The following LAMA1 variants were observed in gnomAD, a reference collection of about 807,000 sequenced individuals.
The protein encoded by LAMA1 is laminin subunit alpha-1.
LAMA1 carries 219 observed loss-of-function variants against 348.7 expected under a neutral mutation model. The observed-to-expected ratio is 0.63, with a 90% confidence interval of 0.56 to 0.70. The LOEUF (loss-of-function observed/expected upper bound fraction) is 0.70, where lower values mean the gene tolerates loss of function less well. Ranked by LOEUF, LAMA1 falls within the 30% of genes least tolerant of loss-of-function variation. The probability of loss-of-function intolerance (pLI) is 0.00; values close to 1 mark genes in which losing one functional copy is unlikely to be tolerated. For missense variants in LAMA1, 3,744 were observed against 3,888.0 expected (o/e 0.96, Z 0.99); for synonymous variants, 1,487 against 1,491.0 (o/e 1.00, Z 0.06).
chr18:6,948,182 T>G (rs2057530648), intron 60 of LAMA1, among the ~76,000 whole-genome samples: 1 of 151,996 alleles, frequency 6.6e-6, no homozygotes, highest in Admixed American at 6.6e-5. Context: ...CTGTCAGGAG[T>G]CACACCACTC....
At chr18:7,093,769 C>A (rs907859352) in intron 1 of LAMA1, among the ~76,000 whole-genome samples, 14 of 138,512 alleles carry the variant, frequency 1.0e-4, no homozygotes, top group Admixed American at 9.2e-4. Flanking sequence ...TGCAGGGTTT[C>A]TCAACTTTTT....
At chr18:7,109,773 G>C (rs2058328393) in intron 1 of LAMA1, among the ~76,000 whole-genome samples, 1 of 149,506 alleles carries the variant, frequency 6.7e-6, no homozygotes, top group East Asian at 2.1e-4. Flanking sequence ...GCCATAGCAG[G>C]TGGGCAGGAG....
chr18:7,032,322 C>T, intron 15 of LAMA1, 146 bp from the exon 16 acceptor site: 2 of 698,646 alleles, frequency 2.9e-6, no homozygotes, highest in African/African-American at 3.5e-5. Flanking sequence ...TTTAAGTGTA[C>T]AATTCAATGA....
intron 1 of LAMA1, among the ~76,000 whole-genome samples, chr18:7,096,671 TC>T (rs1442790954): frequency 6.6e-6 from 1 of 151,452 alleles, no homozygotes; most frequent in East Asian, 1.9e-4. Context: ...TCTCTATCTC[TC>T]CCCCACCCCA....
chr18:7,085,411 TTC>T (rs1322588446), intron 1 of LAMA1, among the ~76,000 whole-genome samples: 1,376 of 136,700 alleles, frequency 0.01, 43 homozygotes, highest in African/African-American at 0.038. Context: ...CTTCTTCTTC[TTC>T]TTTTTTTTTT....
chr18:6,990,218 C>T (rs1410796868), intron 36 of LAMA1, among the ~76,000 whole-genome samples: 1 of 152,162 alleles, frequency 6.6e-6, no homozygotes, highest in African/African-American at 2.4e-5. Flanking sequence ...TGACCAGGAG[C>T]TCCTAGTGGG....
chr18:7,021,724 A>C (rs974820642), intron 19 of LAMA1, among the ~76,000 whole-genome samples: 1 of 149,754 alleles, frequency 6.7e-6, no homozygotes, highest in Non-Finnish European at 1.5e-5. Context: ...AAATGTGACT[A>C]CTAAAAAATT....
At chr18:7,098,005 T>G (rs28416961) in intron 1 of LAMA1, among the ~76,000 whole-genome samples, 72,877 of 144,656 alleles carry the variant, frequency 0.5, 19,421 homozygotes, top group East Asian at 0.58. Flanking sequence ...GATTGCAGGC[T>G]CGCGCCGCCA....
At chr18:7,054,394 T>C (rs1214139597) in intron 3 of LAMA1, among the ~76,000 whole-genome samples, 1 of 152,186 alleles carries the variant, frequency 6.6e-6, no homozygotes, top group East Asian at 1.9e-4. Context: ...ACACCCCTGT[T>C]TTAGTTATTC....
chr18:6,969,246 C>T (rs1723105171), intron 48 of LAMA1, among the ~76,000 whole-genome samples: 1 of 152,008 alleles, frequency 6.6e-6, no homozygotes, highest in Non-Finnish European at 1.5e-5. Context: ...GGACTACAGG[C>T]GCACGCCACC....
intron 19 of LAMA1, 124 bp from the exon 20 acceptor site, chr18:7,017,508 T>C: frequency 2.7e-6 from 2 of 749,882 alleles, no homozygotes; most frequent in East Asian, 2.7e-5. Context: ...AAACTAAAAA[T>C]AATATTATTG....
intron 3 of LAMA1, 61 bp downstream of exon 3, chr18:7,079,914 C>T: frequency 1.7e-6 from 2 of 1,189,894 alleles, no homozygotes; most frequent in Middle Eastern, 1.9e-4. Flanking sequence ...TCCCAAAGGT[C>T]ATCAGAAGAC....
intron 9 of LAMA1, among the ~76,000 whole-genome samples, chr18:7,040,660 C>A (rs2058016537): frequency 6.6e-6 from 1 of 152,180 alleles, no homozygotes; most frequent in African/African-American, 2.4e-5. Context: ...CCTAAGTAAA[C>A]ACCCAATAAA....
At chr18:7,084,835 T>A (rs1443372380) in intron 1 of LAMA1, among the ~76,000 whole-genome samples, 1 of 152,204 alleles carries the variant, frequency 6.6e-6, no homozygotes, top group East Asian at 1.9e-4. Context: ...TTATAATTCA[T>A]TTTTAGAGGT....
intron 14 of LAMA1, among the ~76,000 whole-genome samples, chr18:7,033,313 G>T (rs545907857): frequency 6.6e-6 from 1 of 152,002 alleles, no homozygotes; most frequent in Non-Finnish European, 1.5e-5. Flanking sequence ...AAAATTAGCC[G>T]GGCGTGGTGG....
intron 16 of LAMA1, among the ~76,000 whole-genome samples, chr18:7,027,533 AAAC>A (rs201990444): frequency 4.0e-5 from 6 of 149,458 alleles, no homozygotes; most frequent in African/African-American, 1.3e-4. Flanking sequence ...TAGACATGAG[AAAC>A]AACAACAACA....
At chr18:7,074,967 C>CAAAAAAAAAAAAAAAAAAAAAAAAAAAA (rs773818069) in intron 3 of LAMA1, among the ~76,000 whole-genome samples, 3 of 52,258 alleles carry the variant, frequency 5.7e-5, no homozygotes, top group Non-Finnish European at 6.6e-5. Context: ...TACATAGAGG[C>CAAAAAAAAAAAAAAAAAAAAAAAAAAAA]AAAAAAAAAA....
At chr18:7,116,190 G>C (rs1485186673) in intron 1 of LAMA1, among the ~76,000 whole-genome samples, 2 of 152,146 alleles carry the variant, frequency 1.3e-5, no homozygotes, top group East Asian at 3.9e-4. Flanking sequence ...AGCCCCGAGG[G>C]GCCAGGACAA....
chr18:7,024,078 A>G (rs2057931618), intron 18 of LAMA1, among the ~76,000 whole-genome samples: 1 of 151,808 alleles, frequency 6.6e-6, no homozygotes. Flanking sequence ...TCCTAACCTC[A>G]GGTGATCCAC....
Sources: gnomAD v4.1 joint callset for allele counts (sites outside exome capture counted in the v4.1 genomes callset) on GRCh38, gnomAD v4.1.1 for gene constraint, MANE v1.5 for transcripts, NCBI Gene and HGNC (gene_info 2026-07-23, HGNC 2026-07-21) for gene names.